The following WWOX variants were observed in gnomAD, a reference collection of about 807,000 sequenced individuals.
WWOX encodes the protein WW domain-containing oxidoreductase.
Under a neutral mutation model 46.2 loss-of-function variants are expected in WWOX, and 69 were observed. The ratio of observed to expected loss-of-function variants is 1.49; its 90% CI spans 1.23 to 1.82. The LOEUF is 1.82. Ranked by LOEUF, WWOX falls within the 40% of genes most tolerant of loss-of-function variation. The pLI, the probability that WWOX is intolerant of heterozygous loss-of-function variation, is 0.00. For synonymous variants in WWOX, 359 were observed against 202.6 expected (o/e 1.77, Z -6.56); for missense variants, 919 against 542.6 (o/e 1.69, Z -6.89).
intron 8 of WWOX, among the ~76,000 whole-genome samples, chr16:79,134,966 A>G (rs761058074): frequency 3.3e-5 from 5 of 152,232 alleles, no homozygotes; most frequent in Non-Finnish European, 5.9e-5. Flanking sequence ...GACAGGAGCT[A>G]CATACATTTG....
At chr16:78,959,556 C>T (rs1323515826) in intron 8 of WWOX, among the ~76,000 whole-genome samples, 2 of 152,150 alleles carry the variant, frequency 1.3e-5, no homozygotes, top group African/African-American at 2.4e-5. Context: ...TCCATTCATC[C>T]ATCTATCCAT....
intron 5 of WWOX, among the ~76,000 whole-genome samples, chr16:78,362,274 C>G (rs532561676): frequency 6.6e-6 from 1 of 151,718 alleles, no homozygotes; most frequent in Admixed American, 6.6e-5. Context: ...GAACAAGAGA[C>G]GAGACACAGC....
At chr16:78,736,301 C>CCTGTA (rs2049090543) in intron 8 of WWOX, among the ~76,000 whole-genome samples, 1 of 152,116 alleles carries the variant, frequency 6.6e-6, no homozygotes, top group Non-Finnish European at 1.5e-5. Flanking sequence ...CTCATGGGGA[C>CCTGTA]CTGTATGTTG....
At chr16:78,876,884 G>T (rs903777448) in intron 8 of WWOX, among the ~76,000 whole-genome samples, 1 of 152,126 alleles carries the variant, frequency 6.6e-6, no homozygotes, top group Non-Finnish European at 1.5e-5. Flanking sequence ...CATAAAATAA[G>T]ATAACACTCT....
intron 8 of WWOX, chr16:79,106,504 T>G: frequency 6.6e-6 from 1 of 151,734 alleles, no homozygotes; most frequent in East Asian, 1.9e-4. Flanking sequence ...CTTTGGAGTA[T>G]GAGTGCGTAT....
intron 6 of WWOX, among the ~76,000 whole-genome samples, chr16:78,392,103 G>A (rs969735592): frequency 6.6e-6 from 1 of 151,872 alleles, no homozygotes; most frequent in Non-Finnish European, 1.5e-5. Context: ...ACCAATAGCG[G>A]AGCCGTGGCC....
chr16:78,779,837 AAGG>A (rs1447758442), intron 8 of WWOX, among the ~76,000 whole-genome samples: 2 of 152,094 alleles, frequency 1.3e-5, no homozygotes, highest in African/African-American at 4.8e-5. Context: ...AGGAAAGGGG[AAGG>A]AGAAGGGCCT....
At chr16:78,733,559 A>G (rs980424261) in intron 8 of WWOX, among the ~76,000 whole-genome samples, 1 of 151,840 alleles carries the variant, frequency 6.6e-6, no homozygotes, top group Non-Finnish European at 1.5e-5. Flanking sequence ...CAGCCTGGCC[A>G]ACATGATGAA....
At chr16:78,401,266 G>A (rs1055478340) in intron 6 of WWOX, among the ~76,000 whole-genome samples, 1 of 148,312 alleles carries the variant, frequency 6.7e-6, no homozygotes, top group Non-Finnish European at 1.5e-5. Context: ...AGTGAAGATA[G>A]TAAATTAACA....
chr16:79,145,157 C>T (rs898041300), intron 8 of WWOX, among the ~76,000 whole-genome samples: 2 of 152,128 alleles, frequency 1.3e-5, no homozygotes, highest in Admixed American at 1.3e-4. Context: ...ATTTTCATGT[C>T]ATTTCTTTAC....
At chr16:78,399,879 G>A (rs1286948380) in intron 6 of WWOX, among the ~76,000 whole-genome samples, 1 of 152,142 alleles carries the variant, frequency 6.6e-6, no homozygotes, top group Non-Finnish European at 1.5e-5. Flanking sequence ...CCAGTAAATT[G>A]TTGAGAAGCT....
intron 5 of WWOX, among the ~76,000 whole-genome samples, chr16:78,318,003 C>T (rs918072769): frequency 6.6e-6 from 1 of 152,142 alleles, no homozygotes; most frequent in African/African-American, 2.4e-5. Context: ...TGAAAAGGTT[C>T]CACAGTATTT....
intron 8 of WWOX, among the ~76,000 whole-genome samples, chr16:79,041,937 G>C (rs1444212600): frequency 6.6e-6 from 1 of 152,076 alleles, no homozygotes; most frequent in Non-Finnish European, 1.5e-5. Flanking sequence ...AAGAGTCTTG[G>C]TGGTTTCTTG....
chr16:79,087,810 C>T (rs2048880985), intron 8 of WWOX, among the ~76,000 whole-genome samples: 1 of 152,126 alleles, frequency 6.6e-6, no homozygotes, highest in Admixed American at 6.5e-5. Context: ...TCACTGAAGC[C>T]ACCTCACGTA....
chr16:78,612,837 A>G (rs1351486413), intron 8 of WWOX, among the ~76,000 whole-genome samples: 9 of 152,196 alleles, frequency 5.9e-5, no homozygotes, highest in Non-Finnish European at 4.4e-5. Context: ...GGATTGCTGT[A>G]AGGATTAGAA....
intron 8 of WWOX, among the ~76,000 whole-genome samples, chr16:79,174,139 C>T (rs1193232674): frequency 6.6e-6 from 1 of 152,130 alleles, no homozygotes; most frequent in Non-Finnish European, 1.5e-5. Context: ...TCCTGAGAGG[C>T]AGGTTAGTGA....
intron 8 of WWOX, among the ~76,000 whole-genome samples, chr16:78,870,846 C>T (rs2044112104): frequency 6.6e-6 from 1 of 152,194 alleles, no homozygotes; most frequent in South Asian, 2.1e-4. Flanking sequence ...AGGCAGTCTG[C>T]CCACCTCAGC....
At chr16:78,331,810 G>A in intron 5 of WWOX, among the ~76,000 whole-genome samples, 1 of 150,662 alleles carries the variant, frequency 6.6e-6, no homozygotes, top group African/African-American at 2.4e-5. Flanking sequence ...CATATGCATT[G>A]GCATTCATTG....
At chr16:78,321,990 G>A (rs2080494092) in intron 5 of WWOX, among the ~76,000 whole-genome samples, 2 of 152,174 alleles carry the variant, frequency 1.3e-5, no homozygotes, top group South Asian at 2.1e-4. Flanking sequence ...TGGATGGAAC[G>A]CAAATTCAAA....
Sources: gnomAD v4.1 joint callset for allele counts (sites outside exome capture counted in the v4.1 genomes callset) on GRCh38, gnomAD v4.1.1 for gene constraint, MANE v1.5 for transcripts, NCBI Gene and HGNC (gene_info 2026-07-23, HGNC 2026-07-21) for gene names.